Variants in NEO1 observed in about 807,000 individuals in gnomAD.
NEO1 encodes neogenin.
In NEO1, 63 loss-of-function variants were observed where a neutral mutation model predicts 159.7. The observed-to-expected ratio is 0.39, with a 90% CI of 0.32 to 0.49. The LOEUF is 0.49. Among genes scored for constraint, NEO1 ranks in the 20% least tolerant of loss-of-function variants. The pLI is 0.85. For missense variants in NEO1, 1,615 were observed against 1,831.0 expected (o/e 0.88, Z 2.15); for synonymous variants, 633 against 662.0 (o/e 0.96, Z 0.67).
chr15:73,215,460 C>T (rs1296598061), intron 7 of NEO1, among the ~76,000 whole-genome samples: 4 of 152,116 alleles, frequency 2.6e-5, no homozygotes, highest in Non-Finnish European at 5.9e-5. Context: ...CCCTTGTATG[C>T]TGATTTGCTG....
At chr15:73,088,384 A>G (rs2069484398) in intron 1 of NEO1, among the ~76,000 whole-genome samples, 2 of 152,172 alleles carry the variant, frequency 1.3e-5, no homozygotes, top group East Asian at 1.9e-4. Context: ...GAAAAATGAT[A>G]TCAAGGAGAG....
rs762787458 is a variant in NEO1, at chr15:73,249,669, A to G, written c.1842A>G (p.Lys614=). 7 of 1,613,938 alleles carry G rather than the reference A, an allele frequency of 4.3e-6. No individual in the cohort carries two copies. The Admixed American group carries it at 1.2e-4, about 27-fold the overall frequency. ...EYSFRVVAYN[K]HGPGVSTPDV... ...GTTTCCGAGTGGTGGCCTACAATAA[A>G]CATGGTCCTGGAGTTTCCACACCAG... Residue 614 remains lysine (K), a synonymous_variant, in exon 11 of 29, where the codon AAA becomes AAG. Transcript: ENST00000261908.
chr15:73,135,672 C>T (rs916094047), intron 4 of NEO1, among the ~76,000 whole-genome samples: 3 of 152,122 alleles, frequency 2.0e-5, no homozygotes, highest in Non-Finnish European at 4.4e-5. Flanking sequence ...TTCATTGTAA[C>T]ATTTGATTTG....
chr15:73,114,393 A>G (rs2071178849), intron 1 of NEO1, among the ~76,000 whole-genome samples: 1 of 152,204 alleles, frequency 6.6e-6, no homozygotes, highest in African/African-American at 2.4e-5. Context: ...AAGAGAGGAT[A>G]TCTTAGGTCA....
At chr15:73,114,551 A>G (rs907399186) in intron 1 of NEO1, among the ~76,000 whole-genome samples, 1 of 152,194 alleles carries the variant, frequency 6.6e-6, no homozygotes, top group Non-Finnish European at 1.5e-5. Flanking sequence ...TCAAACACAT[A>G]TACTTTTTTT....
At chr15:73,077,234 G>A (rs767576146) in intron 1 of NEO1, among the ~76,000 whole-genome samples, 2 of 152,060 alleles carry the variant, frequency 1.3e-5, no homozygotes, top group Non-Finnish European at 2.9e-5. Flanking sequence ...AGTAGAGATG[G>A]GGTTTTGCCA....
In NEO1 at chr15:73,283,039, G is replaced by A. The variant is rs1470184853; in HGVS notation, c.3338G>A (p.Gly1113Asp). 1 of 1,614,122 alleles carries A rather than the reference G, an allele frequency of 6.2e-7. No homozygotes were observed. Among genetic ancestry groups the A allele is most frequent in the Non-Finnish European group, 8.5e-7 (1 of 1,180,030 alleles). Residue 1113 changes from glycine (G) to aspartate (D), a missense_variant, in exon 23 of 29, where the codon GGC becomes GAC. By Grantham distance (94) the Gly-to-Asp change is moderately conservative (BLOSUM62 -1). Coordinates refer to ENST00000261908, the MANE Select transcript of NEO1 (RefSeq NM_002499.4). ...CTGCTGGTCATAATTGTTTCTGTTGGCGTCATCACCATCGTGGTGGTTGTG... is the reference window on the plus strand; with the variant it reads ...CTGCTGGTCATAATTGTTTCTGTTGACGTCATCACCATCGTGGTGGTTGTG... Reference protein sequence around the residue: ...NMLLVIIVSVGVITIVVVVII... With the variant: ...NMLLVIIVSVDVITIVVVVII...
At chr15:73,126,364 C>T in intron 3 of NEO1, 53 bp from the exon 4 acceptor site, 3 of 1,500,238 alleles carry the variant, frequency 2.0e-6, no homozygotes, top group African/African-American at 1.4e-5. Flanking sequence ...GCCACCATGT[C>T]CAGCCTGTTT....
At chr15:73,243,418 TTTAA>T (rs2039591545) in intron 8 of NEO1, among the ~76,000 whole-genome samples, 3 of 152,372 alleles carry the variant, frequency 2.0e-5, no homozygotes, top group South Asian at 2.1e-4. Flanking sequence ...TTTGAGGCTC[TTTAA>T]TTACTTTCTC....
At chr15:73,250,700 T>A (rs1427331827) in intron 11 of NEO1, among the ~76,000 whole-genome samples, 1 of 151,624 alleles carries the variant, frequency 6.6e-6, no homozygotes, top group Non-Finnish European at 1.5e-5. Flanking sequence ...ATTAGTTTTG[T>A]GAAAGAAAAA....
rs769517564 is a variant in NEO1 at position 73,126,442 on chromosome 15, A to G, written c.750A>G (p.Val250=). Residue 250 remains valine (V), a synonymous_variant, in exon 4 of 29, where the codon GTA becomes GTG. Transcript: ENST00000261908. ...ATCCTGAGGTGATATCAGACTTGGTATTTTTGAAACAGCCTTCTCCCTTAG... is the reference window on the plus strand; with the variant it reads ...ATCCTGAGGTGATATCAGACTTGGTGTTTTTGAAACAGCCTTCTCCCTTAG... ...LPDPEVISDL[V]FLKQPSPLVR... 8.7e-6 allele frequency: 14 copies of G among 1,601,268 alleles called. No individual in the cohort carries two copies. The South Asian group carries it at 1.6e-4, about 18-fold the overall frequency.
chr15:73,165,786 TA>T (rs2034531461), intron 5 of NEO1, among the ~76,000 whole-genome samples: 1 of 152,212 alleles, frequency 6.6e-6, no homozygotes, highest in South Asian at 2.1e-4. Flanking sequence ...AAAGGCTTTT[TA>T]AAAGAAACCA....
At position 73,258,817 on chromosome 15, in the gene NEO1, A is replaced by G. The variant is rs751136781; in HGVS notation, c.2144A>G (p.Asn715Ser). 54 of 1,613,924 alleles carry G rather than the reference A, an allele frequency of 3.3e-5. No homozygotes were observed. The South Asian group carries it at 3.7e-4, about 11-fold the overall frequency. The change falls in exon 14 of 29, where the codon AAT becomes AGT. Residue 715 changes from asparagine to serine, a missense_variant. Coordinates refer to ENST00000261908, the MANE Select transcript of NEO1 (RefSeq NM_002499.4). ...TTCCGAGTGGCTGCTCTAACAATCA[A>G]TGGTACAGGCCCGGCAACTGACTGG... ...YNFRVAALTI[N>S]GTGPATDWLS...
intron 11 of NEO1, among the ~76,000 whole-genome samples, chr15:73,250,701 G>T (rs2040026553): frequency 6.6e-6 from 1 of 151,282 alleles, no homozygotes; most frequent in Non-Finnish European, 1.5e-5. Flanking sequence ...TTAGTTTTGT[G>T]AAAGAAAAAA....
At chr15:73,227,323 C>T (rs2038643677) in intron 7 of NEO1, among the ~76,000 whole-genome samples, 1 of 152,108 alleles carries the variant, frequency 6.6e-6, no homozygotes, top group Middle Eastern at 3.2e-3. Context: ...TGGTGAAACC[C>T]CGTCTCTGCT....
chr15:73,086,188 T>A (rs1449336702), intron 1 of NEO1, among the ~76,000 whole-genome samples: 1 of 152,232 alleles, frequency 6.6e-6, no homozygotes, highest in African/African-American at 2.4e-5. Context: ...AAGACTATCC[T>A]TTTTCCAGTG....
At chr15:73,055,853 C>T (rs1481610577) in intron 1 of NEO1, among the ~76,000 whole-genome samples, 1 of 152,196 alleles carries the variant, frequency 6.6e-6, no homozygotes, top group African/African-American at 2.4e-5. Context: ...AAGAAGACCT[C>T]CTCTTCCCAT....
At chr15:73,149,083 G>A (rs779723661) in intron 5 of NEO1, among the ~76,000 whole-genome samples, 6 of 152,098 alleles carry the variant, frequency 3.9e-5, no homozygotes, top group East Asian at 1.9e-4. Context: ...TTGCAAGGCC[G>A]AGGCGAGTGG....
chr15:73,156,579 G>A (rs2033794053), intron 5 of NEO1, among the ~76,000 whole-genome samples: 1 of 152,192 alleles, frequency 6.6e-6, no homozygotes, highest in Non-Finnish European at 1.5e-5. Context: ...CAAGTGTTGT[G>A]CCCTTGTTTT....
Sources: gnomAD v4.1 joint callset for allele counts (sites outside exome capture counted in the v4.1 genomes callset) on GRCh38, gnomAD v4.1.1 for gene constraint, MANE v1.5 for transcripts, NCBI Gene and HGNC (gene_info 2026-07-23, HGNC 2026-07-21) for gene names.